Variants in RASEF observed in about 807,000 individuals in gnomAD.
RASEF encodes ras and EF-hand domain-containing protein.
Under a neutral mutation model 90.1 loss-of-function variants are expected in RASEF, and 68 were observed. The observed-to-expected ratio is 0.75, with a 90% confidence interval of 0.62 to 0.92. RASEF has a LOEUF of 0.92. Ranked by LOEUF, RASEF falls within the 40% of genes least tolerant of loss-of-function variation. The probability of loss-of-function intolerance (pLI) is 0.00; values close to 1 mark genes in which losing one functional copy is unlikely to be tolerated. For synonymous variants in RASEF, 331 were observed against 345.2 expected, an observed-to-expected ratio of 0.96 and a Z score of 0.46; for missense variants, 949 against 937.2, an observed-to-expected ratio of 1.01 and a Z score of -0.16.
chr9:83,095,698 T>C, the RASEF span, among the ~76,000 whole-genome samples: 1 of 151,988 alleles, frequency 6.6e-6, no homozygotes, highest in Non-Finnish European at 1.5e-5. Context: ...TGAATAAATC[T>C]CCTTCCTTCA....
At chr9:83,048,419 T>C in intron 1 of RASEF, 8 of 985,310 alleles carry the variant, frequency 8.1e-6, no homozygotes, top group Non-Finnish European at 9.6e-6. Flanking sequence ...ATATCCTCAC[T>C]GATGTCATCA....
At chr9:83,118,723 T>C in the RASEF span, among the ~76,000 whole-genome samples, 1 of 152,176 alleles carries the variant, frequency 6.6e-6, no homozygotes, top group Non-Finnish European at 1.5e-5. Context: ...AAGAAAAGCA[T>C]ACAATGACAT....
intron 1 of RASEF, among the ~76,000 whole-genome samples, chr9:83,030,138 C>T (rs1829619020): frequency 6.6e-6 from 1 of 152,082 alleles, no homozygotes; most frequent in East Asian, 1.9e-4. Context: ...GGGTAGATCA[C>T]CTGAGGTCAG....
At chr9:83,058,658 A>G (rs77881885) in intron 1 of RASEF, among the ~76,000 whole-genome samples, 2,109 of 152,232 alleles carry the variant, frequency 0.014, 41 homozygotes, top group African/African-American at 0.048. Context: ...ACCCTCACCA[A>G]TACTGAAACT....
At chr9:83,103,222 G>A in the RASEF span, among the ~76,000 whole-genome samples, 1 of 152,160 alleles carries the variant, frequency 6.6e-6, no homozygotes. Flanking sequence ...TCATCATTCA[G>A]TAGTCCCTGA....
At chr9:83,162,035 G>A in the RASEF span, among the ~76,000 whole-genome samples, 398 of 152,064 alleles carry the variant, frequency 2.6e-3, 4 homozygotes, top group East Asian at 0.033. Context: ...CATGGAAATG[G>A]ACTAATACAG....
chr9:83,116,436 A>G, the RASEF span, among the ~76,000 whole-genome samples: 273 of 152,228 alleles, frequency 1.8e-3, 2 homozygotes, highest in African/African-American at 6.0e-3. Flanking sequence ...TCCTGCAAAC[A>G]TATAAGGTAT....
the RASEF span, among the ~76,000 whole-genome samples, chr9:83,170,972 A>G: frequency 2.0e-5 from 3 of 151,892 alleles, no homozygotes; most frequent in Non-Finnish European, 4.4e-5. Flanking sequence ...CAATAGGAGT[A>G]GTGAAAGTGA....
At chr9:82,999,943 G>A (rs1828991964) in intron 12 of RASEF, among the ~76,000 whole-genome samples, 1 of 149,672 alleles carries the variant, frequency 6.7e-6, no homozygotes, top group Non-Finnish European at 1.5e-5. Flanking sequence ...CCTAAAAGCA[G>A]GCCTTGGCCA....
the RASEF span, among the ~76,000 whole-genome samples, chr9:83,182,321 C>G: frequency 4.6e-5 from 7 of 152,292 alleles, no homozygotes; most frequent in African/African-American, 1.2e-4. Context: ...GTCACAAAAA[C>G]TGGAATCTTT....
At chr9:83,052,391 T>C (rs1283857527) in intron 1 of RASEF, among the ~76,000 whole-genome samples, 2 of 112,010 alleles carry the variant, frequency 1.8e-5, no homozygotes, top group Non-Finnish European at 1.7e-5. Context: ...GGTGGTGATA[T>C]CCCCTTTATC....
chr9:83,171,511 T>A, the RASEF span, among the ~76,000 whole-genome samples: 9 of 151,964 alleles, frequency 5.9e-5, no homozygotes, highest in South Asian at 1.7e-3. Context: ...TTGGCATTAG[T>A]TCTTCTTGAA....
At chr9:82,997,166 G>C (rs201858418) in intron 13 of RASEF, 40 bp from the exon 14 acceptor site, 6 of 1,247,826 alleles carry the variant, frequency 4.8e-6, no homozygotes, top group Middle Eastern at 1.9e-4. Context: ...AGTTTGTGTT[G>C]CCTCATTCTT....
At chr9:83,039,330 C>A (rs546290846) in intron 1 of RASEF, among the ~76,000 whole-genome samples, 7 of 152,084 alleles carry the variant, frequency 4.6e-5, no homozygotes, top group Non-Finnish European at 1.0e-4. Flanking sequence ...AGTCTCATAT[C>A]CCCTGTAGCA....
chr9:83,041,394 A>G (rs17085986), intron 1 of RASEF, among the ~76,000 whole-genome samples: 4,440 of 152,322 alleles, frequency 0.029, 197 homozygotes, highest in African/African-American at 0.1. Context: ...ACCATCAAAC[A>G]CAAAGATAAA....
intron 12 of RASEF, among the ~76,000 whole-genome samples, chr9:82,999,130 C>T (rs535334628): frequency 7.9e-5 from 12 of 152,124 alleles, no homozygotes; most frequent in African/African-American, 2.7e-4. Flanking sequence ...TCTAACATTT[C>T]GGGTGATCAA....
chr9:83,140,275 C>T, the RASEF span, among the ~76,000 whole-genome samples: 1 of 152,164 alleles, frequency 6.6e-6, no homozygotes, highest in Admixed American at 6.6e-5. Flanking sequence ...AAGCCATATA[C>T]AGGTGGGGAC....
At chr9:83,217,026 C>T in the RASEF span, among the ~76,000 whole-genome samples, 2 of 152,166 alleles carry the variant, frequency 1.3e-5, no homozygotes, top group Non-Finnish European at 2.9e-5. Flanking sequence ...TGGGAGCCCA[C>T]TTCTTGCATC....
At chr9:83,172,690 T>G in the RASEF span, among the ~76,000 whole-genome samples, 2 of 151,932 alleles carry the variant, frequency 1.3e-5, no homozygotes, top group Non-Finnish European at 2.9e-5. Context: ...TGACTTTTTG[T>G]GTTTTATATC....
Sources: allele counts gnomAD v4.1 joint callset (sites outside exome capture counted in the v4.1 genomes callset), GRCh38; gene constraint gnomAD v4.1.1; transcripts MANE v1.5; gene names NCBI Gene and HGNC (gene_info 2026-07-23, HGNC 2026-07-21).